Variants in DLGAP1 observed in about 807,000 individuals in gnomAD.
DLGAP1 encodes the protein DLG associated protein 1.
In DLGAP1, 11 loss-of-function variants were observed where a neutral mutation model predicts 90.8. That is an observed-to-expected ratio of 0.12 (90% CI 0.08 to 0.20). The LOEUF (loss-of-function observed/expected upper bound fraction) is 0.20. Among genes scored for constraint, DLGAP1 ranks in the 10% least tolerant of loss-of-function variants. The pLI is 1.00. For synonymous variants in DLGAP1, 558 were observed against 540.7 expected (o/e 1.03, Z -0.44); for missense variants, 1,050 against 1,333.8 (o/e 0.79, Z 3.31).
At chr18:3,649,545 C>T (rs988801121) in intron 7 of DLGAP1, among the ~76,000 whole-genome samples, 3 of 152,126 alleles carry the variant, frequency 2.0e-5, no homozygotes, top group Admixed American at 6.5e-5. Flanking sequence ...TACTGCCTTC[C>T]GTACACTGTG....
At chr18:3,558,849 AAAAT>A (rs2053911063) in intron 9 of DLGAP1, among the ~76,000 whole-genome samples, 1 of 152,198 alleles carries the variant, frequency 6.6e-6, no homozygotes, top group Non-Finnish European at 1.5e-5. Flanking sequence ...TGATATATGT[AAAAT>A]ACTAATGTTT....
intron 7 of DLGAP1, among the ~76,000 whole-genome samples, chr18:3,726,145 GA>G (rs2062168604): frequency 6.6e-6 from 1 of 152,260 alleles, no homozygotes; most frequent in Middle Eastern, 3.4e-3. Flanking sequence ...GTGAGTATCT[GA>G]AAATAATGAG....
intron 7 of DLGAP1, among the ~76,000 whole-genome samples, chr18:3,661,925 C>T (rs2059697820): frequency 6.6e-6 from 1 of 151,900 alleles, no homozygotes; most frequent in African/African-American, 2.4e-5. Context: ...GCTGGGAGGA[C>T]TGAAAATTGT....
intron 7 of DLGAP1, among the ~76,000 whole-genome samples, chr18:3,692,278 G>GTT (rs11411882): frequency 7.3e-5 from 11 of 151,710 alleles, no homozygotes; most frequent in African/African-American, 1.2e-4. Flanking sequence ...TTTTTGGAGT[G>GTT]TTTTTTTTGT....
chr18:4,089,889 C>CA (rs946268002), intron 2 of DLGAP1, among the ~76,000 whole-genome samples: 2 of 152,054 alleles, frequency 1.3e-5, no homozygotes, highest in African/African-American at 4.8e-5. Flanking sequence ...ACTAAAAACA[C>CA]AAAAAATTAG....
intron 9 of DLGAP1, among the ~76,000 whole-genome samples, chr18:3,556,592 A>G (rs908402552): frequency 1.3e-5 from 2 of 152,148 alleles, no homozygotes; most frequent in Non-Finnish European, 2.9e-5. Flanking sequence ...TCAATAGCTT[A>G]TTACTTTTAG....
chr18:4,343,801 A>G (rs887908624), intron 1 of DLGAP1, among the ~76,000 whole-genome samples: 1 of 152,142 alleles, frequency 6.6e-6, no homozygotes, highest in Non-Finnish European at 1.5e-5. Flanking sequence ...AGTATAATAA[A>G]TTTTTTTAAG....
chr18:4,431,610 C>T (rs1437635683), intron 1 of DLGAP1, among the ~76,000 whole-genome samples: 6 of 152,074 alleles, frequency 3.9e-5, no homozygotes, highest in Non-Finnish European at 8.8e-5. Context: ...TAAAAGACAC[C>T]ATATGTTAAT....
chr18:3,592,557 G>A (rs367972550), intron 7 of DLGAP1, among the ~76,000 whole-genome samples: 7 of 152,246 alleles, frequency 4.6e-5, no homozygotes, highest in Admixed American at 2.0e-4. Context: ...TAGACATGGG[G>A]GCTGGGTGTG....
chr18:3,563,535 T>C (rs891542838), intron 9 of DLGAP1, among the ~76,000 whole-genome samples: 2 of 151,952 alleles, frequency 1.3e-5, no homozygotes, highest in East Asian at 1.9e-4. Flanking sequence ...AGTGGCACGA[T>C]CTCGGCTCAC....
At position 4,103,115 on chromosome 18, in the gene DLGAP1, G is replaced by A. The variant is rs536770626; in HGVS notation, c.-159+48065C>T. Among the ~76,000 whole-genome samples the A allele has an allele frequency of 6.6e-5, 10 of 152,310 alleles. No individual in the cohort carries two copies. The East Asian group carries it at 1.9e-3, about 29-fold the overall frequency. The stretch of plus-strand genomic sequence containing the variant: ...GGCGGAGAAAGTGTTTCCATATTCT[G>A]TAGTTTTTTTCCCTTTCTTCTTCCT... On this transcript the variant is annotated intron_variant, in intron 2 of 12. Coordinates refer to ENST00000315677, the MANE Select transcript of DLGAP1 (RefSeq NM_004746.4).
chr18:3,805,193 G>A (rs1472261366), intron 5 of DLGAP1, among the ~76,000 whole-genome samples: 1 of 152,180 alleles, frequency 6.6e-6, no homozygotes, highest in African/African-American at 2.4e-5. Context: ...GCACCTTCTC[G>A]AATCTGCATA....
At chr18:3,907,157 G>T (rs1250521671) in intron 3 of DLGAP1, among the ~76,000 whole-genome samples, 1 of 132,764 alleles carries the variant, frequency 7.5e-6, no homozygotes, top group Non-Finnish European at 1.7e-5. Flanking sequence ...GCAGGGCGGG[G>T]GTCCTGGGAC....
intron 1 of DLGAP1, among the ~76,000 whole-genome samples, chr18:4,192,335 G>T (rs1424288937): frequency 6.6e-6 from 1 of 152,108 alleles, no homozygotes; most frequent in Non-Finnish European, 1.5e-5. Flanking sequence ...GCTTGTCAAT[G>T]CACACCTTTC....
chr18:3,742,631 C>A, intron 5 of DLGAP1, 119 bp from the exon 6 acceptor site: 1 of 1,198,596 alleles, frequency 8.3e-7, no homozygotes, highest in Non-Finnish European at 1.2e-6. Context: ...GACATAGATG[C>A]CCTTCTGTGA....
chr18:3,545,596 C>A (rs562159478), intron 9 of DLGAP1, among the ~76,000 whole-genome samples: 10 of 152,210 alleles, frequency 6.6e-5, no homozygotes, highest in South Asian at 6.2e-4. Context: ...GTGGCTTATA[C>A]CTATAATCTC....
intron 1 of DLGAP1, among the ~76,000 whole-genome samples, chr18:4,426,601 T>C (rs2083162454): frequency 6.6e-6 from 1 of 152,254 alleles, no homozygotes; most frequent in African/African-American, 2.4e-5. Context: ...ACTCCCTGTA[T>C]GACTATGACA....
chr18:4,195,843 G>A (rs921085174), intron 1 of DLGAP1, among the ~76,000 whole-genome samples: 3 of 152,112 alleles, frequency 2.0e-5, no homozygotes, highest in Non-Finnish European at 4.4e-5. Flanking sequence ...ATGAGCCATC[G>A]CGCCCGGCCT....
intron 4 of DLGAP1, among the ~76,000 whole-genome samples, chr18:3,874,970 C>T (rs2070959440): frequency 6.6e-6 from 1 of 152,144 alleles, no homozygotes; most frequent in Non-Finnish European, 1.5e-5. Flanking sequence ...TTATAGACTT[C>T]TCATTTTCTA....
Sources: allele counts gnomAD v4.1 joint callset (sites outside exome capture counted in the v4.1 genomes callset), GRCh38; gene constraint gnomAD v4.1.1; transcripts MANE v1.5; gene names NCBI Gene and HGNC (gene_info 2026-07-23, HGNC 2026-07-21).